UBASH3B: variants seen among roughly 807,000 people sequenced by gnomAD.
UBASH3B encodes the protein ubiquitin-associated and SH3 domain-containing protein B.
In UBASH3B, 37 loss-of-function variants were observed where a neutral mutation model predicts 83.4. The observed-to-expected ratio is 0.44, with a 90% CI of 0.34 to 0.58. UBASH3B has a LOEUF of 0.58. Ranked by LOEUF, UBASH3B falls within the 20% of genes least tolerant of loss-of-function variation. UBASH3B has a pLI of 0.01. For missense variants in UBASH3B, 657 were observed against 827.2 expected (o/e 0.79, Z 2.52); for synonymous variants, 304 against 318.3 (o/e 0.96, Z 0.48).
intron 1 of UBASH3B, chr11:122,726,215 T>C (rs1860737314): frequency 6.5e-6 from 1 of 154,010 alleles, no homozygotes. Flanking sequence ...TCATGTCAGA[T>C]GGGTAATATA....
intron 1 of UBASH3B, among the ~76,000 whole-genome samples, chr11:122,699,533 CTTTCTTT>C: frequency 2.0e-5 from 2 of 98,228 alleles, no homozygotes; most frequent in African/African-American, 3.8e-5. Flanking sequence ...CTTTCTTTCT[CTTTCTTT>C]CTTTCTTTCT....
chr11:122,688,047 T>G (rs1470577524), intron 1 of UBASH3B, among the ~76,000 whole-genome samples: 1 of 152,160 alleles, frequency 6.6e-6, no homozygotes, highest in Non-Finnish European at 1.5e-5. Context: ...TGCCCCAGCC[T>G]TGGAGAAAGA....
intron 1 of UBASH3B, among the ~76,000 whole-genome samples, chr11:122,760,740 G>A (rs1269531804): frequency 6.6e-6 from 1 of 152,218 alleles, no homozygotes; most frequent in Non-Finnish European, 1.5e-5. Context: ...AGACAGATGT[G>A]AGGCCATGGA....
At chr11:122,760,352 T>TTTC (rs1455205249) in intron 1 of UBASH3B, among the ~76,000 whole-genome samples, 3 of 103,596 alleles carry the variant, frequency 2.9e-5, no homozygotes, top group African/African-American at 1.4e-4. Flanking sequence ...ACAGAGAAAG[T>TTTC]TTTTTTTTTT....
intron 1 of UBASH3B, among the ~76,000 whole-genome samples, chr11:122,693,893 A>G (rs1863927592): frequency 6.6e-6 from 1 of 152,130 alleles, no homozygotes; most frequent in Admixed American, 6.5e-5. Context: ...AATAAGAAAG[A>G]AAGAATGATG....
chr11:122,746,576 G>T (rs1284242512), intron 1 of UBASH3B, among the ~76,000 whole-genome samples: 1 of 152,190 alleles, frequency 6.6e-6, no homozygotes. Flanking sequence ...GGAGAAGAAT[G>T]CTTCCAATGT....
chr11:122,678,908 A>T (rs1230560547), intron 1 of UBASH3B, among the ~76,000 whole-genome samples: 1 of 152,210 alleles, frequency 6.6e-6, no homozygotes, highest in Non-Finnish European at 1.5e-5. Flanking sequence ...GCCATCCCAA[A>T]TAACACTCAT....
chr11:122,741,302 A>T (rs1413508296), intron 1 of UBASH3B, among the ~76,000 whole-genome samples: 1 of 152,196 alleles, frequency 6.6e-6, no homozygotes, highest in Non-Finnish European at 1.5e-5. Context: ...TTTCAATTGG[A>T]TCTTAAATGA....
chr11:122,724,689 C>T (rs963308137), intron 1 of UBASH3B, among the ~76,000 whole-genome samples: 1 of 151,978 alleles, frequency 6.6e-6, no homozygotes, highest in Non-Finnish European at 1.5e-5. Context: ...GAAAGGGGAA[C>T]GGCATTCCAG....
intron 1 of UBASH3B, among the ~76,000 whole-genome samples, chr11:122,738,490 C>T (rs1860971369): frequency 6.6e-6 from 1 of 152,058 alleles, no homozygotes; most frequent in Admixed American, 6.5e-5. Context: ...ACAGGCATGG[C>T]AAGAAGCCTG....
intron 1 of UBASH3B, among the ~76,000 whole-genome samples, chr11:122,675,480 A>G (rs1863655758): frequency 6.6e-6 from 1 of 152,186 alleles, no homozygotes; most frequent in African/African-American, 2.4e-5. Context: ...GGATGAGATC[A>G]GAGTCTTTGT....
intron 1 of UBASH3B, among the ~76,000 whole-genome samples, chr11:122,675,565 C>T (rs755636209): frequency 2.6e-5 from 4 of 152,186 alleles, no homozygotes; most frequent in African/African-American, 7.2e-5. Context: ...CTAGCTCAGC[C>T]GCTGTTCTGT....
chr11:122,796,981 C>T lies in UBASH3B; in HGVS notation c.1305C>T (p.Tyr435=), dbSNP rs141469408. ...AGCGGAGTGGTGGTTTCCGAGATTA[C>T]GAGAAAGATGCTCCCATCACTGTGT... ...LPQRSGGFRD[Y]EKDAPITVFG... The change falls in exon 9 of 14, where the codon TAC becomes TAT. Residue 435 remains tyrosine (Y), a synonymous_variant. Coordinates refer to ENST00000284273, the MANE Select transcript of UBASH3B (RefSeq NM_032873.5). 987 of 1,613,920 alleles carry T rather than the reference C, an allele frequency of 6.1e-4. No homozygotes were observed. Among genetic ancestry groups the T allele is most frequent in the Middle Eastern group, 1.5e-3 (9 of 6,058 alleles).
intron 1 of UBASH3B, among the ~76,000 whole-genome samples, chr11:122,664,357 A>G (rs146176077): frequency 0.014 from 2,061 of 152,276 alleles, 25 homozygotes; most frequent in Non-Finnish European, 0.023. Flanking sequence ...AAAAAACCAC[A>G]CTCAAGAATG....
At chr11:122,707,392 T>C (rs930938578) in intron 1 of UBASH3B, among the ~76,000 whole-genome samples, 1 of 152,128 alleles carries the variant, frequency 6.6e-6, no homozygotes, top group Non-Finnish European at 1.5e-5. Flanking sequence ...CTTCTACTCC[T>C]TGCAAGAGAA....
intron 11 of UBASH3B, among the ~76,000 whole-genome samples, chr11:122,805,009 G>C (rs1183707134): frequency 3.9e-5 from 6 of 152,180 alleles, no homozygotes; most frequent in Non-Finnish European, 8.8e-5. Flanking sequence ...AGGAAGCCTA[G>C]CTTTGATCAT....
intron 1 of UBASH3B, among the ~76,000 whole-genome samples, chr11:122,668,455 C>T (rs548230077): frequency 2.6e-5 from 4 of 152,204 alleles, no homozygotes; most frequent in African/African-American, 4.8e-5. Flanking sequence ...CTAACCTGTC[C>T]GTAGGCCATG....
intron 1 of UBASH3B, among the ~76,000 whole-genome samples, chr11:122,660,539 C>T (rs1364611341): frequency 2.0e-5 from 3 of 152,096 alleles, no homozygotes; most frequent in African/African-American, 4.8e-5. Flanking sequence ...AGCCTAACAC[C>T]GGAGAAGATG....
In UBASH3B at chr11:122,794,604, G is replaced by A. The variant is rs1316812598; in HGVS notation, c.981-98G>A. 4.7e-6 allele frequency: 7 copies of A among 1,493,546 alleles called. No homozygotes were observed. In the Admixed American group the frequency reaches 1.1e-4, roughly 23 times the overall value. The allele number at this position is 1,493,546 out of a possible 1,614,324, so 92.5% of individuals were successfully genotyped here. ...CCCCCATCATTGTGCTACCCACAGAGGGCTTTGAGTTAACTCCCACACTCC... is the reference window on the plus strand; with the variant it reads ...CCCCCATCATTGTGCTACCCACAGAAGGCTTTGAGTTAACTCCCACACTCC... On this transcript the variant is annotated intron_variant, in intron 6 of 13. Coordinates refer to ENST00000284273, the MANE Select transcript of UBASH3B (RefSeq NM_032873.5).
Sources: allele counts gnomAD v4.1 joint callset (sites outside exome capture counted in the v4.1 genomes callset), GRCh38; gene constraint gnomAD v4.1.1; transcripts MANE v1.5; gene names NCBI Gene and HGNC (gene_info 2026-07-23, HGNC 2026-07-21).